Variants in PDE4D observed in about 807,000 individuals in gnomAD.
The protein encoded by PDE4D is phosphodiesterase 4D.
In PDE4D, 24 loss-of-function variants were observed where a neutral mutation model predicts 87.4. That is an observed-to-expected ratio of 0.27 (90% CI 0.20 to 0.39). The LOEUF is 0.39. Ranked by LOEUF, PDE4D falls within the 10% of genes least tolerant of loss-of-function variation. The pLI is 1.00. For synonymous variants in PDE4D, 384 were observed against 383.2 expected (o/e 1.00, Z -0.02); for missense variants, 714 against 1,041.0 (o/e 0.69, Z 4.32).
intron 1 of PDE4D, among the ~76,000 whole-genome samples, chr5:59,488,425 G>T (rs1805558960): frequency 6.6e-6 from 1 of 152,120 alleles, no homozygotes; most frequent in South Asian, 2.1e-4. Context: ...AATTAGTTTG[G>T]AGTAGATAAG....
At chr5:59,792,402 C>CTGTGTG (rs3062592) in intron 1 of PDE4D, among the ~76,000 whole-genome samples, 3,370 of 138,788 alleles carry the variant, frequency 0.024, 52 homozygotes, top group African/African-American at 0.037. Context: ...CTCCAAGAAG[C>CTGTGTG]TGTGTGTGTG....
chr5:58,982,709 G>A (rs1422344820), intron 11 of PDE4D, among the ~76,000 whole-genome samples: 1 of 152,170 alleles, frequency 6.6e-6, no homozygotes, highest in Non-Finnish European at 1.5e-5. Flanking sequence ...TCATAGCCAG[G>A]TCAGCCTTGG....
chr5:59,767,838 G>C (rs1221461717), intron 1 of PDE4D, among the ~76,000 whole-genome samples: 3 of 152,160 alleles, frequency 2.0e-5, no homozygotes, highest in Non-Finnish European at 4.4e-5. Context: ...GCAGAAAACA[G>C]AGCAAACTAT....
chr5:59,724,072 G>A (rs1450141259), intron 1 of PDE4D, among the ~76,000 whole-genome samples: 2 of 152,080 alleles, frequency 1.3e-5, no homozygotes, highest in African/African-American at 4.8e-5. Context: ...GGGATTGAGG[G>A]ATGGTGATTT....
intron 1 of PDE4D, among the ~76,000 whole-genome samples, chr5:59,241,358 C>T (rs999730019): frequency 6.6e-6 from 1 of 152,196 alleles, no homozygotes; most frequent in Non-Finnish European, 1.5e-5. Context: ...CCTGTACCAG[C>T]CATGGCTGAG....
At chr5:60,059,812 T>G (rs1771196300) in intron 2 of PDE4D, among the ~76,000 whole-genome samples, 1 of 151,966 alleles carries the variant, frequency 6.6e-6, no homozygotes, top group Admixed American at 6.6e-5. Context: ...TCTTTATAAC[T>G]TCACTAAAAT....
intron 1 of PDE4D, among the ~76,000 whole-genome samples, chr5:60,258,175 G>A (rs1749297139): frequency 6.6e-6 from 1 of 151,946 alleles, no homozygotes; most frequent in African/African-American, 2.4e-5. Flanking sequence ...GCCTGCCGAT[G>A]GTGATTTTAC....
intron 1 of PDE4D, among the ~76,000 whole-genome samples, chr5:59,793,255 G>T (rs1280103855): frequency 6.6e-6 from 1 of 152,214 alleles, no homozygotes; most frequent in Non-Finnish European, 1.5e-5. Flanking sequence ...TGTCTATAGT[G>T]ATGATGAAAT....
chr5:59,125,906 C>T (rs970710821), intron 5 of PDE4D, among the ~76,000 whole-genome samples: 3 of 151,840 alleles, frequency 2.0e-5, no homozygotes, highest in Non-Finnish European at 4.4e-5. Flanking sequence ...TGGGATGGAG[C>T]GGGGGAGGGG....
At chr5:59,295,994 C>A (rs1769013198) in intron 1 of PDE4D, among the ~76,000 whole-genome samples, 1 of 151,898 alleles carries the variant, frequency 6.6e-6, no homozygotes, top group South Asian at 2.1e-4. Flanking sequence ...GCCAACATAG[C>A]CAACGTTTCT....
At chr5:59,733,875 G>C (rs1757725133) in intron 1 of PDE4D, among the ~76,000 whole-genome samples, 1 of 151,918 alleles carries the variant, frequency 6.6e-6, no homozygotes, top group Admixed American at 6.6e-5. Flanking sequence ...TTTTTAATGA[G>C]AGTATTATTG....
intron 3 of PDE4D, among the ~76,000 whole-genome samples, chr5:59,931,862 C>T (rs561410334): frequency 2.2e-4 from 33 of 152,150 alleles, no homozygotes; most frequent in African/African-American, 5.3e-4. Flanking sequence ...CCACCATACC[C>T]GGCTAATTTT....
At chr5:59,364,778 A>G (rs1782774967) in intron 1 of PDE4D, among the ~76,000 whole-genome samples, 1 of 152,140 alleles carries the variant, frequency 6.6e-6, no homozygotes, top group Non-Finnish European at 1.5e-5. Context: ...TTTGTTCAAC[A>G]GCTAATCAAA....
chr5:60,058,649 T>A (rs981974222), intron 2 of PDE4D, among the ~76,000 whole-genome samples: 1 of 151,952 alleles, frequency 6.6e-6, no homozygotes, highest in East Asian at 1.9e-4. Flanking sequence ...GGGATGGAAC[T>A]GAGAGTTGTT....
In PDE4D at chr5:60,139,369, C is replaced by G. The variant is rs200566122; in HGVS notation, c.42+46188G>C. Among the ~76,000 whole-genome samples, 14 of 152,134 alleles carry G rather than the reference C, an allele frequency of 9.2e-5. No homozygotes were observed. In the East Asian group the frequency reaches 2.1e-3, roughly 23 times the overall value. Reference sequence around the variant, plus strand: ...TGTAACTTATAACTCTTTTAATGTGCATATTCCAAGTTCATAATAGGAGGC... The same window carrying G: ...TGTAACTTATAACTCTTTTAATGTGGATATTCCAAGTTCATAATAGGAGGC... On this transcript the variant is annotated intron_variant, in intron 2 of 16. Coordinates refer to the PDE4D transcript ENST00000502484.
chr5:60,217,637 G>A (rs1185141638), intron 1 of PDE4D, among the ~76,000 whole-genome samples: 1 of 151,422 alleles, frequency 6.6e-6, no homozygotes, highest in Non-Finnish European at 1.5e-5. Flanking sequence ...GACACAGACT[G>A]GAATCAGATA....
intron 5 of PDE4D, among the ~76,000 whole-genome samples, chr5:59,164,390 C>T (rs1781582273): frequency 6.6e-6 from 1 of 152,186 alleles, no homozygotes; most frequent in Non-Finnish European, 1.5e-5. Context: ...AATGTTTATT[C>T]AAGAACTAGT....
intron 1 of PDE4D, among the ~76,000 whole-genome samples, chr5:60,314,207 C>T (rs764975032): frequency 6.6e-6 from 1 of 151,102 alleles, no homozygotes; most frequent in Non-Finnish European, 1.5e-5. Context: ...TGCTCTGTCA[C>T]CCAGGCTGGA....
intron 1 of PDE4D, among the ~76,000 whole-genome samples, chr5:59,706,756 T>C (rs150960472): frequency 1.3e-5 from 2 of 152,262 alleles, no homozygotes; most frequent in East Asian, 1.9e-4. Flanking sequence ...GAACATAAAA[T>C]TGACTATAAG....
Sources: gnomAD v4.1 joint callset for allele counts (sites outside exome capture counted in the v4.1 genomes callset) on GRCh38, gnomAD v4.1.1 for gene constraint, MANE v1.5 for transcripts, NCBI Gene and HGNC (gene_info 2026-07-23, HGNC 2026-07-21) for gene names.